PRKN: variants seen among roughly 807,000 people sequenced by gnomAD.
PRKN encodes the protein parkin RBR E3 ubiquitin protein ligase.
In PRKN, 56 loss-of-function variants were observed where a neutral mutation model predicts 59.5. The ratio of observed to expected loss-of-function variants is 0.94; its 90% CI spans 0.76 to 1.18. PRKN has a LOEUF of 1.18. PRKN is among the 50% of genes most tolerant of loss of function. The pLI is 0.00. For synonymous variants in PRKN, 250 were observed against 222.1 expected (o/e 1.13, Z -1.12); for missense variants, 657 against 596.4 (o/e 1.10, Z -1.06).
At chr6:161,932,543 T>C (rs925874050) in intron 6 of PRKN, among the ~76,000 whole-genome samples, 3 of 152,248 alleles carry the variant, frequency 2.0e-5, no homozygotes, top group East Asian at 1.9e-4. Context: ...TGTATACTTT[T>C]ATTTTTATTT....
intron 9 of PRKN, among the ~76,000 whole-genome samples, chr6:161,415,447 C>T (rs552381804): frequency 3.3e-5 from 5 of 152,182 alleles, no homozygotes; most frequent in South Asian, 4.1e-4. Context: ...AAGCATGTGC[C>T]GAACCCTTTA....
intron 1 of PRKN, among the ~76,000 whole-genome samples, chr6:162,581,197 G>C (rs563856699): frequency 6.6e-6 from 1 of 152,290 alleles, no homozygotes; most frequent in South Asian, 2.1e-4. Flanking sequence ...AAGCATCTGA[G>C]ATATAGGAGG....
intron 4 of PRKN, among the ~76,000 whole-genome samples, chr6:162,096,848 A>ATTTT (rs71004079): frequency 0.015 from 730 of 49,222 alleles, 88 homozygotes; most frequent in African/African-American, 0.046. Flanking sequence ...TACAGCTGGA[A>ATTTT]TTTTTTTTTT....
At chr6:162,709,966 GAA>G (rs1778469014) in intron 1 of PRKN, among the ~76,000 whole-genome samples, 1 of 152,140 alleles carries the variant, frequency 6.6e-6, no homozygotes, top group Non-Finnish European at 1.5e-5. Flanking sequence ...AGGCAAGATT[GAA>G]ATGAGTATGT....
At chr6:162,433,431 G>A (rs1232079377) in intron 2 of PRKN, among the ~76,000 whole-genome samples, 1 of 152,018 alleles carries the variant, frequency 6.6e-6, no homozygotes, top group Non-Finnish European at 1.5e-5. Flanking sequence ...TGACATTCTT[G>A]AAGTTTTGAC....
chr6:162,478,817 T>C (rs1276873987), intron 1 of PRKN, among the ~76,000 whole-genome samples: 5 of 152,120 alleles, frequency 3.3e-5, no homozygotes, highest in Admixed American at 6.6e-5. Context: ...AACATTTGTA[T>C]ATATAAACAC....
intron 7 of PRKN, among the ~76,000 whole-genome samples, chr6:161,580,390 C>T (rs1471900521): frequency 1.3e-5 from 2 of 152,094 alleles, no homozygotes; most frequent in East Asian, 3.9e-4. Context: ...GCACCATGGC[C>T]CTGGTATAAG....
chr6:162,640,960 C>A lies in PRKN; in HGVS notation c.7+86702G>T, dbSNP rs372391897. 3.9e-5 allele frequency among the ~76,000 whole-genome samples: 6 copies of A among 152,290 alleles called. No homozygotes were observed. In the East Asian group the frequency reaches 1.2e-3, roughly 29 times the overall value. On this transcript the variant is annotated intron_variant, in intron 1 of 11. Coordinates refer to ENST00000366898, the MANE Select transcript of PRKN (RefSeq NM_004562.3). Reference sequence around the variant, plus strand: ...TCATATTCCAGGAACAGTATTATCACAGCAGGCAAGAGTAAATTTCTTTTT... The same window carrying A: ...TCATATTCCAGGAACAGTATTATCAAAGCAGGCAAGAGTAAATTTCTTTTT...
intron 1 of PRKN, among the ~76,000 whole-genome samples, chr6:162,725,685 C>T (rs1480705197): frequency 6.6e-6 from 1 of 151,696 alleles, no homozygotes; most frequent in Non-Finnish European, 1.5e-5. Flanking sequence ...ATCACTTGAG[C>T]CCAGGAGTTG....
intron 6 of PRKN, among the ~76,000 whole-genome samples, chr6:161,932,964 G>C (rs927402370): frequency 2.6e-5 from 4 of 152,164 alleles, no homozygotes; most frequent in Admixed American, 2.6e-4. Context: ...TGGGTTATAA[G>C]TATCAATATT....
intron 7 of PRKN, among the ~76,000 whole-genome samples, chr6:161,607,991 C>T (rs1409774763): frequency 6.6e-6 from 1 of 152,136 alleles, no homozygotes; most frequent in Non-Finnish European, 1.5e-5. Flanking sequence ...TAGTGCCTTA[C>T]CTAGGTTTCC....
At chr6:161,760,753 G>A (rs1465501497) in intron 7 of PRKN, among the ~76,000 whole-genome samples, 2 of 152,120 alleles carry the variant, frequency 1.3e-5, no homozygotes, top group East Asian at 1.9e-4. Flanking sequence ...CTTCAGTTCC[G>A]CATAATTAAA....
In PRKN at chr6:161,544,658, G is replaced by T. The variant is rs1035582309; in HGVS notation, c.1083+4196C>A. Reference sequence around the variant, plus strand: ...TAACACTGCAGCTTGAATTCTGGGAGGTAGTACTTTCAAATAATTCTTTAT... The same window carrying T: ...TAACACTGCAGCTTGAATTCTGGGATGTAGTACTTTCAAATAATTCTTTAT... On this transcript the variant is annotated intron_variant, in intron 9 of 11. Coordinates refer to ENST00000366898, the MANE Select transcript of PRKN (RefSeq NM_004562.3). This position sits in a 1 kb window ranked among gnomAD's most constrained non-coding sequence, Gnocchi z 5.5. 3.9e-5 allele frequency among the ~76,000 whole-genome samples: 6 copies of T among 152,096 alleles called. No homozygotes were observed. The highest frequency in any genetic ancestry group is 1.4e-4 in the African/African-American group (6 of 41,410).
intron 2 of PRKN, among the ~76,000 whole-genome samples, chr6:162,283,641 C>T (rs12661914): frequency 0.28 from 43,297 of 152,094 alleles, 6,566 homozygotes; most frequent in South Asian, 0.44. Context: ...CATGCCTCAA[C>T]GTCTGAGTAG....
At chr6:161,679,268 T>C (rs1018598169) in intron 7 of PRKN, among the ~76,000 whole-genome samples, 1 of 152,172 alleles carries the variant, frequency 6.6e-6, no homozygotes, top group Non-Finnish European at 1.5e-5. Context: ...AGATACAGTG[T>C]TTTATCTTTC....
At chr6:162,352,100 G>A (rs1047869850) in intron 2 of PRKN, among the ~76,000 whole-genome samples, 2 of 152,082 alleles carry the variant, frequency 1.3e-5, no homozygotes, top group Non-Finnish European at 2.9e-5. Context: ...CAGTAATATT[G>A]ACAGCGGGGT....
In PRKN at chr6:162,011,470, TATATA is replaced by T. The variant is rs1342059249; in HGVS notation, c.619-38058_619-38054del. Among the ~76,000 whole-genome samples, 10 of 15,310 alleles carry T rather than the reference TATATA, an allele frequency of 6.5e-4. 2 individuals are homozygous for T. In the East Asian group the frequency reaches 0.011, roughly 16 times the overall value. 10.0% of individuals were successfully genotyped at this position (15,310 alleles called of 152,430 possible). On this transcript the variant is annotated intron_variant, in intron 5 of 11. Coordinates refer to ENST00000366898, the MANE Select transcript of PRKN (RefSeq NM_004562.3). ...ATAATATATAATATATATATTATAA[TATATA>T]ATATATTATAATATATATAATATAT...
At position 161,554,269 on chromosome 6, in the gene PRKN, AAT is replaced by A. The variant is rs1231657944; in HGVS notation, c.934-5268_934-5267del. Reference sequence around the variant, plus strand: ...GTGCCTATGATTTCTGAAAACTTCAAATATGTTTTCATATGCTCTACTCATTC... The same window carrying A: ...GTGCCTATGATTTCTGAAAACTTCAAATGTTTTCATATGCTCTACTCATTC... On this transcript the variant is annotated intron_variant, in intron 8 of 11. Transcript: ENST00000366898. This position sits in a 1 kb window ranked among gnomAD's most constrained non-coding sequence, Gnocchi z 4.5. Among the ~76,000 whole-genome samples the A allele has an allele frequency of 1.3e-5, 2 of 152,140 alleles. No individual in the cohort carries two copies. The highest frequency in any genetic ancestry group is 4.8e-5 in the African/African-American group (2 of 41,422).
intron 1 of PRKN, among the ~76,000 whole-genome samples, chr6:162,512,438 T>C (rs1024281370): frequency 2.6e-5 from 4 of 152,202 alleles, no homozygotes; most frequent in African/African-American, 9.7e-5. Flanking sequence ...GCAACTCACA[T>C]TTTCAGCTAA....
Sources: gnomAD v4.1 joint callset for allele counts (sites outside exome capture counted in the v4.1 genomes callset) on GRCh38, gnomAD v4.1.1 for gene constraint, Gnocchi (gnomAD v3.1) non-coding constraint, MANE v1.5 for transcripts, NCBI Gene and HGNC (gene_info 2026-07-23, HGNC 2026-07-21) for gene names.